Variants in DPP6 observed in about 807,000 individuals in gnomAD.
DPP6 encodes the protein A-type potassium channel modulatory protein DPP6.
Under a neutral mutation model 122.6 loss-of-function variants are expected in DPP6, and 69 were observed. The ratio of observed to expected loss-of-function variants is 0.56; its 90% CI spans 0.46 to 0.69. The LOEUF (loss-of-function observed/expected upper bound fraction) is 0.69, where lower values mean the gene tolerates loss of function less well. DPP6 is among the 30% of genes least tolerant of loss of function. DPP6 has a pLI of 0.00. For missense variants in DPP6, 928 were observed against 1,116.9 expected (o/e 0.83, Z 2.41); for synonymous variants, 418 against 433.1 (o/e 0.97, Z 0.43).
intron 13 of DPP6, among the ~76,000 whole-genome samples, chr7:154,803,082 G>A (rs546678509): frequency 6.6e-6 from 1 of 151,832 alleles, no homozygotes; most frequent in African/African-American, 2.4e-5. Flanking sequence ...CGCTGTCTGC[G>A]CCCCCAGGCC....
In DPP6 at chr7:154,500,540, A is replaced by C. The variant is rs1315564902; in HGVS notation, c.457+25503A>C. 7.9e-5 allele frequency among the ~76,000 whole-genome samples: 12 copies of C among 152,112 alleles called. No individual in the cohort carries two copies. The East Asian group carries it at 2.3e-3, about 29-fold the overall frequency. ...GGATCTTTCCTGCGTTGTTCTCCTG[A>C]TAGCGAATGAGTCTCATGAGATCTG... On this transcript the variant is annotated intron_variant, in intron 3 of 25. Transcript: ENST00000377770.
At chr7:154,591,766 G>A (rs1832820309) in intron 5 of DPP6, among the ~76,000 whole-genome samples, 1 of 152,228 alleles carries the variant, frequency 6.6e-6, no homozygotes, top group African/African-American at 2.4e-5. Flanking sequence ...TGCAGGCCCT[G>A]GCTGGGTTTC....
chr7:154,269,119 A>T (rs929781925), intron 1 of DPP6, among the ~76,000 whole-genome samples: 1 of 150,726 alleles, frequency 6.6e-6, no homozygotes, highest in Admixed American at 6.7e-5. Context: ...ATCCCATGTG[A>T]TCCAAAAGAC....
chr7:154,290,608 C>T (rs886284593), intron 1 of DPP6, among the ~76,000 whole-genome samples: 20 of 150,282 alleles, frequency 1.3e-4, no homozygotes, highest in Admixed American at 6.0e-4. Context: ...CACCATTGAA[C>T]GCACTGTAGC....
At chr7:154,460,278 G>T (rs1015643102) in intron 2 of DPP6, among the ~76,000 whole-genome samples, 1 of 152,128 alleles carries the variant, frequency 6.6e-6, no homozygotes, top group Non-Finnish European at 1.5e-5. Flanking sequence ...CACCGTGCCT[G>T]GCCTTATTCA....
In DPP6 at chr7:154,365,783, C is replaced by T. The variant is rs192004676; in HGVS notation, c.244-80431C>T. 7.6e-3 allele frequency among the ~76,000 whole-genome samples: 1,156 copies of T among 152,026 alleles called. 7 individuals carry two copies. Among genetic ancestry groups the T allele is most frequent in the Non-Finnish European group, 0.013 (883 of 67,976 alleles). The stretch of plus-strand genomic sequence containing the variant: ...CCTGACTAACACGCCACGGTGAAAC[C>T]CCGTCTCTACTAAAAATACCAAAAA... On this transcript the variant is annotated intron_variant, in intron 1 of 25. Coordinates refer to ENST00000377770, the MANE Select transcript of DPP6 (RefSeq NM_130797.4).
At chr7:154,349,777 C>T (rs1432108682) in intron 1 of DPP6, among the ~76,000 whole-genome samples, 1 of 152,126 alleles carries the variant, frequency 6.6e-6, no homozygotes, top group African/African-American at 2.4e-5. Flanking sequence ...CTGAAGACCT[C>T]TGTAAAGATT....
chr7:153,930,781 G>C (rs1801135550), intron 1 of DPP6, among the ~76,000 whole-genome samples: 1 of 152,136 alleles, frequency 6.6e-6, no homozygotes, highest in Non-Finnish European at 1.5e-5. Context: ...ATTGCTTTCA[G>C]GACCTGGGAT....
upstream of DPP6, among the ~76,000 whole-genome samples, chr7:154,052,066 C>T (rs948566067): frequency 5.3e-5 from 8 of 151,002 alleles, no homozygotes; most frequent in African/African-American, 1.7e-4. The surrounding 1 kb of genome is among the most constrained non-coding windows in gnomAD (Gnocchi z 4.8). Context: ...GGCCGGCCTG[C>T]CTGCCTCGAC....
chr7:153,895,728 G>GCACACACACACA (rs10599371), intron 1 of DPP6, among the ~76,000 whole-genome samples: 3 of 149,948 alleles, frequency 2.0e-5, no homozygotes, highest in Admixed American at 6.6e-5. Flanking sequence ...GTGCATGCGT[G>GCACACACACACA]CACACACACA....
chr7:154,643,467 C>CTTTTTT (rs61520162), intron 6 of DPP6, among the ~76,000 whole-genome samples: 1 of 117,554 alleles, frequency 8.5e-6, no homozygotes, highest in African/African-American at 3.2e-5. Flanking sequence ...TGAGTAATTT[C>CTTTTTT]TTTTTTTTTT....
At chr7:153,954,436 A>G (rs1802362149) in intron 1 of DPP6, among the ~76,000 whole-genome samples, 1 of 152,216 alleles carries the variant, frequency 6.6e-6, no homozygotes, top group Non-Finnish European at 1.5e-5. Flanking sequence ...TCCTGAATAC[A>G]GTACAGATAT....
chr7:154,232,468 A>C (rs936598241), intron 1 of DPP6, among the ~76,000 whole-genome samples: 4 of 152,160 alleles, frequency 2.6e-5, no homozygotes, highest in Admixed American at 2.0e-4. Flanking sequence ...TCAGAACAAG[A>C]AACTCTGTCT....
intron 1 of DPP6, among the ~76,000 whole-genome samples, chr7:154,117,118 A>C (rs1807046599): frequency 6.6e-6 from 1 of 151,888 alleles, no homozygotes. Context: ...TCTAGTGCAC[A>C]TATTTCCCAA....
chr7:153,862,755 TA>T, the DPP6 span, among the ~76,000 whole-genome samples: 1 of 152,144 alleles, frequency 6.6e-6, no homozygotes, highest in Non-Finnish European at 1.5e-5. Flanking sequence ...ATTATCTCAA[TA>T]AAAGTCCATT....
At chr7:154,733,336 C>T (rs564354022) in intron 8 of DPP6, among the ~76,000 whole-genome samples, 2 of 152,372 alleles carry the variant, frequency 1.3e-5, no homozygotes, top group South Asian at 4.1e-4. Context: ...TAAGCTAGGG[C>T]CCTCAGTCCT....
intron 1 of DPP6, among the ~76,000 whole-genome samples, chr7:154,067,743 T>C (rs1802831886): frequency 6.6e-6 from 1 of 152,030 alleles, no homozygotes; most frequent in Admixed American, 6.5e-5. Context: ...GTGTAAGAGT[T>C]TTTGTTTGTT....
At chr7:153,918,565 A>ACACACACACACACACACTCTCT in intron 1 of DPP6, among the ~76,000 whole-genome samples, 1 of 57,640 alleles carries the variant, frequency 1.7e-5, no homozygotes, top group South Asian at 9.1e-4. Flanking sequence ...ACACACACAC[A>ACACACACACACACACACTCTCT]GTCTCTCTCT....
At chr7:153,749,741 C>T in the DPP6 span, among the ~76,000 whole-genome samples, 1 of 152,186 alleles carries the variant, frequency 6.6e-6, no homozygotes. The surrounding 1 kb of genome is among the most constrained non-coding windows in gnomAD (Gnocchi z 4.1). Flanking sequence ...ACCTGTCTGC[C>T]ATTCCGCTTA....
Sources: gnomAD v4.1 joint callset for allele counts (sites outside exome capture counted in the v4.1 genomes callset) on GRCh38, gnomAD v4.1.1 for gene constraint, Gnocchi (gnomAD v3.1) non-coding constraint, MANE v1.5 for transcripts, NCBI Gene and HGNC (gene_info 2026-07-23, HGNC 2026-07-21) for gene names.